The following PRUNE2 variants were observed in gnomAD, a reference collection of about 807,000 sequenced individuals.
PRUNE2 encodes the protein protein prune homolog 2.
A neutral mutation model predicts 252.0 loss-of-function variants in PRUNE2; 164 were observed. That is an observed-to-expected ratio of 0.65 (90% confidence interval 0.57 to 0.74). PRUNE2 has a LOEUF of 0.74. PRUNE2 is among the 30% of genes least tolerant of loss of function. PRUNE2 has a pLI of 0.00. For synonymous variants in PRUNE2, 1,292 were observed against 1,350.2 expected, an observed-to-expected ratio of 0.96 and a Z score of 0.94; for missense variants, 3,495 against 3,711.0, an observed-to-expected ratio of 0.94 and a Z score of 1.51.
intron 4 of PRUNE2, among the ~76,000 whole-genome samples, chr9:76,832,310 T>C (rs1447179837): frequency 6.6e-6 from 1 of 152,142 alleles, no homozygotes; most frequent in Non-Finnish European, 1.5e-5. Context: ...TGGACTATAC[T>C]TTCTTTTCTA....
rs1391796404 is a variant in PRUNE2, at chr9:76,808,412, T to C, written c.756+15220A>G. Among the ~76,000 whole-genome samples, 3 of 152,224 alleles carry C rather than the reference T, an allele frequency of 2.0e-5. No individual in the cohort carries two copies. The East Asian group carries it at 5.8e-4, about 29-fold the overall frequency. ...GATATCCCAACAAGTGCCTTTTGGG[T>C]TTGCACATGTCCTTCCCATCTCTTT... On this transcript the variant is annotated intron_variant, in intron 6 of 18. Coordinates refer to ENST00000376718, the MANE Select transcript of PRUNE2 (RefSeq NM_015225.3).
chr9:76,816,473 T>C (rs137874353), intron 6 of PRUNE2, among the ~76,000 whole-genome samples: 379 of 152,304 alleles, frequency 2.5e-3, no homozygotes, highest in Non-Finnish European at 3.6e-3. Context: ...TTTATCCTGC[T>C]AATGTCCTCA....
rs778604467 is a variant in PRUNE2 at position 76,644,832 on chromosome 9, T to C, written c.8635A>G (p.Asn2879Asp). The C allele has an allele frequency of 6.2e-7, 1 of 1,613,978 alleles. No individual in the cohort carries two copies. The highest frequency in any genetic ancestry group is 1.1e-5 in the South Asian group (1 of 91,080). Reference sequence around the variant, plus strand: ...ATGACCACTGTCCTCCAAAGCCGGTTGTCCTCCCGTTCCTCTTCGGCCGTA... The same window carrying C: ...ATGACCACTGTCCTCCAAAGCCGGTCGTCCTCCCGTTCCTCTTCGGCCGTA... ...EYTAEEERED[N>D]RLWRTVVIGE... Residue 2879 changes from asparagine to aspartate, a missense_variant, in exon 12 of 19, where the codon AAC becomes GAC. Transcript: ENST00000376718.
At chr9:76,861,522 C>T (rs899375764) in intron 1 of PRUNE2, among the ~76,000 whole-genome samples, 5 of 152,140 alleles carry the variant, frequency 3.3e-5, no homozygotes, top group African/African-American at 4.8e-5. Context: ...TGTGGGTAGG[C>T]GATGGGGGAG....
At chr9:76,781,157 C>T (rs1383323851) in intron 6 of PRUNE2, among the ~76,000 whole-genome samples, 1 of 152,186 alleles carries the variant, frequency 6.6e-6, no homozygotes, top group Non-Finnish European at 1.5e-5. Flanking sequence ...CTCCCATGGT[C>T]TATGAAGGCA....
rs1432968579 is a variant in PRUNE2, at chr9:76,706,873, G to A, written c.5401C>T (p.Gln1801Ter). The A allele has an allele frequency of 2.5e-6, 4 of 1,594,564 alleles. No homozygotes were observed. The African/African-American group carries it at 5.4e-5, about 22-fold the overall frequency. Residue 1801 changes from glutamine to a stop codon, truncating the protein, a stop_gained, in exon 8 of 19, where the codon CAA becomes TAA. Coordinates refer to ENST00000376718, the MANE Select transcript of PRUNE2 (RefSeq NM_015225.3). LOFTEE classifies it high-confidence loss of function. ...GGGAACGAAGCTTTGGGAGATATTTGCCATGCAACATCTCCTGTTGTCCCT... is the reference window on the plus strand; with the variant it reads ...GGGAACGAAGCTTTGGGAGATATTTACCATGCAACATCTCCTGTTGTCCCT... ...ETGTTGDVAW[Q>*]ISPKASFPKN...
chr9:76,725,973 G>A (rs567135636), intron 6 of PRUNE2, among the ~76,000 whole-genome samples: 21 of 152,210 alleles, frequency 1.4e-4, no homozygotes, highest in Non-Finnish European at 2.9e-4. Context: ...AAGCCAAGAA[G>A]AGCCTGAGCA....
intron 6 of PRUNE2, among the ~76,000 whole-genome samples, chr9:76,777,968 T>C (rs2053979389): frequency 6.6e-6 from 1 of 152,172 alleles, no homozygotes; most frequent in Non-Finnish European, 1.5e-5. Context: ...GAAGACAGCA[T>C]GTCTATAGCA....
In PRUNE2 at chr9:76,619,405, A is replaced by G. The variant is rs978277448; in HGVS notation, c.9189-18T>C. On this transcript the variant is annotated intron_variant, in intron 17 of 18. Coordinates refer to ENST00000376718, the MANE Select transcript of PRUNE2 (RefSeq NM_015225.3). Reference sequence around the variant, plus strand: ...AGCTAGTTCTGAGTGCAAGGAAAAAATAGGAAGCAGTCAACATTTCCCCAC... The same window carrying G: ...AGCTAGTTCTGAGTGCAAGGAAAAAGTAGGAAGCAGTCAACATTTCCCCAC... 5 of 1,588,892 alleles carry G rather than the reference A, an allele frequency of 3.1e-6. No individual in the cohort carries two copies. Among genetic ancestry groups the G allele is most frequent in the Non-Finnish European group, 4.3e-6 (5 of 1,162,168 alleles).
At chr9:76,626,564 A>G (rs1482604784) in intron 16 of PRUNE2, among the ~76,000 whole-genome samples, 2 of 152,240 alleles carry the variant, frequency 1.3e-5, no homozygotes, top group African/African-American at 4.8e-5. Context: ...AAATTTTTCC[A>G]ACTAGAACCC....
chr9:76,627,931 C>A, intron 16 of PRUNE2: 1 of 299,900 alleles, frequency 3.3e-6, no homozygotes, highest in Non-Finnish European at 6.8e-6. Context: ...CATGAGAATT[C>A]TTTCCTTCCA....
intron 6 of PRUNE2, among the ~76,000 whole-genome samples, chr9:76,749,641 CT>C (rs1224091255): frequency 1.3e-5 from 2 of 152,332 alleles, no homozygotes; most frequent in African/African-American, 4.8e-5. Context: ...AAATGCCCTC[CT>C]TTCTCTTGCT....
intron 1 of PRUNE2, among the ~76,000 whole-genome samples, chr9:76,854,428 A>G (rs1166539292): frequency 1.3e-5 from 2 of 152,206 alleles, no homozygotes; most frequent in African/African-American, 4.8e-5. Context: ...TGGAAGAGAA[A>G]ATGTGGTTTT....
intron 1 of PRUNE2, among the ~76,000 whole-genome samples, chr9:76,898,468 G>A (rs1414937632): frequency 6.6e-6 from 1 of 152,096 alleles, no homozygotes; most frequent in Admixed American, 6.6e-5. Flanking sequence ...ACTACAAAAA[G>A]CTAATTCTCA....
At position 76,614,600 on chromosome 9, in the gene PRUNE2, A is replaced by C. The variant is rs1304562671; in HGVS notation, c.9237T>G (p.Asp3079Glu). ...GCTTTTCTTTCAGCTTCAAGTCAAT[A>C]CTGCAAAGAAAAGAAAAAGAGAGAG... ...NDPEMSSMEKDIDLKLKEKP is the reference protein window; with the variant it reads ...NDPEMSSMEKEIDLKLKEKP The change falls in exon 19 of 19, where the codon GAT (aspartate) becomes GAG (glutamate). Residue 3079 changes from aspartate to glutamate, a missense_variant and splice_region_variant. Coordinates refer to ENST00000376718, the MANE Select transcript of PRUNE2 (RefSeq NM_015225.3). 1 of 1,610,506 alleles carries C rather than the reference A, an allele frequency of 6.2e-7. No homozygotes were observed. The highest frequency in any genetic ancestry group is 8.5e-7 in the Non-Finnish European group (1 of 1,177,504).
intron 9 of PRUNE2, among the ~76,000 whole-genome samples, chr9:76,697,914 C>G (rs180781564): frequency 1.3e-5 from 2 of 152,212 alleles, no homozygotes; most frequent in Non-Finnish European, 2.9e-5. Context: ...CAAGCACTTA[C>G]TATGGAAAGT....
intron 1 of PRUNE2, among the ~76,000 whole-genome samples, chr9:76,903,626 T>C (rs1401869226): frequency 2.0e-5 from 3 of 152,198 alleles, no homozygotes. Context: ...CTCGCTCTGT[T>C]GCCCAGGCTG....
rs577095894 is a variant in PRUNE2 at position 76,727,645 on chromosome 9, CTTTT to C, written c.757-13928_757-13925del. ...GAGTTGTTTCTTTCTTCTTCTTCTT[CTTTT>C]TTTTTTTTTTTGTCAAGCAAAGTTG... On this transcript the variant is annotated intron_variant, in intron 6 of 18. Coordinates refer to ENST00000376718, the MANE Select transcript of PRUNE2 (RefSeq NM_015225.3). Among the ~76,000 whole-genome samples, 6 of 72,746 alleles carry C rather than the reference CTTTT, an allele frequency of 8.2e-5. No individual in the cohort carries two copies. The East Asian group carries it at 1.7e-3, about 21-fold the overall frequency. 47.7% of individuals were successfully genotyped at this position (72,746 alleles called of 152,430 possible).
intron 4 of PRUNE2, among the ~76,000 whole-genome samples, chr9:76,830,729 C>G (rs2058623597): frequency 2.7e-5 from 4 of 150,122 alleles, no homozygotes; most frequent in African/African-American, 9.8e-5. Flanking sequence ...AGACAAACAC[C>G]TCTAGGTGCC....
Sources: gnomAD v4.1 joint callset for allele counts (sites outside exome capture counted in the v4.1 genomes callset) on GRCh38, gnomAD v4.1.1 for gene constraint, MANE v1.5 for transcripts, NCBI Gene and HGNC (gene_info 2026-07-23, HGNC 2026-07-21) for gene names.